The following DOP1A variants were observed in gnomAD, a reference collection of about 807,000 sequenced individuals.
DOP1A encodes DOP1 leucine zipper like protein A, also known as protein DOP1A.
Under a neutral mutation model 267.6 loss-of-function variants are expected in DOP1A, and 90 were observed. The observed-to-expected ratio is 0.34, with a 90% CI of 0.28 to 0.40. The LOEUF (loss-of-function observed/expected upper bound fraction) is 0.40. Ranked by LOEUF, DOP1A falls within the 10% of genes least tolerant of loss-of-function variation. DOP1A has a pLI of 1.00. For missense variants in DOP1A, 2,437 were observed against 2,900.4 expected (o/e 0.84, Z 3.67); for synonymous variants, 932 against 999.1 (o/e 0.93, Z 1.27).
intron 19 of DOP1A, among the ~76,000 whole-genome samples, chr6:83,134,674 A>ACC (rs1778609677): frequency 3.3e-5 from 5 of 152,276 alleles, no homozygotes; most frequent in African/African-American, 1.2e-4. Context: ...TAGATTTATT[A>ACC]AAATCTATAG....
chr6:83,069,369 CT>C, intron 1 of DOP1A, among the ~76,000 whole-genome samples: 1 of 152,154 alleles, frequency 6.6e-6, no homozygotes, highest in East Asian at 1.9e-4. Context: ...AAAACCTTTA[CT>C]GTTATGCTGA....
chr6:83,093,249 G>A (rs192103638), intron 1 of DOP1A, among the ~76,000 whole-genome samples: 13 of 152,292 alleles, frequency 8.5e-5, no homozygotes, highest in African/African-American at 3.1e-4. Context: ...ATCATTTCAT[G>A]TCAAATGAAA....
intron 20 of DOP1A, 145 bp downstream of exon 20, chr6:83,136,023 T>A: frequency 2.1e-6 from 2 of 963,574 alleles, no homozygotes; most frequent in South Asian, 3.5e-5. Flanking sequence ...CTAGCAATGC[T>A]GTGTGGACCA....
chr6:83,150,704 CTT>C (rs1781481349), intron 27 of DOP1A, among the ~76,000 whole-genome samples: 1 of 152,058 alleles, frequency 6.6e-6, no homozygotes, highest in South Asian at 2.1e-4. Context: ...TGAGTAGACT[CTT>C]AGCAAATAAT....
chr6:83,073,520 C>G (rs889015362), intron 1 of DOP1A, among the ~76,000 whole-genome samples: 1 of 152,094 alleles, frequency 6.6e-6, no homozygotes, highest in Non-Finnish European at 1.5e-5. Context: ...GCCAATTTTA[C>G]GTAATCTGAT....
At chr6:83,077,614 G>A (rs375258148) in intron 1 of DOP1A, among the ~76,000 whole-genome samples, 4 of 152,222 alleles carry the variant, frequency 2.6e-5, no homozygotes, top group South Asian at 4.1e-4. Context: ...AGTTAGAGAC[G>A]TCAGTGAGCC....
At chr6:83,097,266 C>T in intron 3 of DOP1A, 151 bp downstream of exon 3, 2 of 823,788 alleles carry the variant, frequency 2.4e-6, no homozygotes, top group Non-Finnish European at 3.7e-6. Flanking sequence ...TCATGAGTTG[C>T]ATGCCTGTGT....
In DOP1A at chr6:83,121,932, C is replaced by A; in HGVS notation, c.1102C>A (p.Pro368Thr). The A allele has an allele frequency of 6.3e-7, 1 of 1,592,486 alleles. No individual in the cohort carries two copies. Among genetic ancestry groups the A allele is most frequent in the South Asian group, 1.1e-5 (1 of 87,702 alleles). The change falls in exon 11 of 39, where the codon CCT becomes ACT. Residue 368 changes from proline (P) to threonine (T), a missense_variant and splice_region_variant. Pro to Thr is a conservative substitution (Grantham distance 38). Transcript: ENST00000349129. ...ISLLDKPELGPVILEDVLIEV... is the reference protein window; with the variant it reads ...ISLLDKPELGTVILEDVLIEV... ...TTTAATTTGAATATTAATTTTAGGA[C>A]CTGTAATTCTAGAAGATGTCCTGAT...
chr6:83,122,161 A>AAGTAAAGCTGATTTAATACT, intron 11 of DOP1A, 111 bp downstream of exon 11: 1 of 1,262,722 alleles, frequency 7.9e-7, no homozygotes, highest in Non-Finnish European at 1.1e-6. Context: ...GTGTTCTAAT[A>AAGTAAAGCTGATTTAATACT]AGTAAAGCTG....
Position 83,152,046 on chromosome 6 carries a change from T to G in DOP1A, c.6049+19T>G. 1 of 1,613,552 alleles carries G rather than the reference T, an allele frequency of 6.2e-7. No homozygotes were observed. Among genetic ancestry groups the G allele is most frequent in the Non-Finnish European group, 8.5e-7 (1 of 1,179,592 alleles). On this transcript the variant is annotated intron_variant, in intron 29 of 38. Coordinates refer to ENST00000349129, the MANE Select transcript of DOP1A (RefSeq NM_015018.4). ...GTTGAAGGTATTCTTGTCAAACATT[T>G]AGGTTTATTATCTGTAAGCAGGCAT...
In DOP1A at chr6:83,148,756, C is replaced by T; in HGVS notation, c.5733-3C>T. The T allele has an allele frequency of 6.5e-7, 1 of 1,538,678 alleles. No homozygotes were observed. The highest frequency in any genetic ancestry group is 8.7e-7 in the Non-Finnish European group (1 of 1,150,140). On this transcript the variant is annotated splice_polypyrimidine_tract_variant and splice_region_variant and intron_variant, in intron 26 of 38. Transcript: ENST00000349129. ...CTTTTGTATAAACTATATTATCTTG[C>T]AGAATTCCAGTGCCCAATTTAGTGG...
chr6:83,102,618 G>A (rs906911274), intron 4 of DOP1A, among the ~76,000 whole-genome samples: 2 of 152,144 alleles, frequency 1.3e-5, no homozygotes, highest in East Asian at 1.9e-4. Context: ...CTCAGGCTTC[G>A]TCACTGGCCT....
rs1777027352 is a variant in DOP1A at position 83,125,504 on chromosome 6, C to T, written c.1490C>T (p.Thr497Ile). The T allele has an allele frequency of 1.2e-6, 2 of 1,612,460 alleles. No homozygotes were observed. Among genetic ancestry groups the T allele is most frequent in the Non-Finnish European group, 1.7e-6 (2 of 1,179,358 alleles). The change falls in exon 15 of 39, where the codon ACT becomes ATT. Residue 497 changes from threonine to isoleucine, a missense_variant. Physicochemically the swap from Thr to Ile is moderately conservative, Grantham distance 89. Coordinates refer to ENST00000349129, the MANE Select transcript of DOP1A (RefSeq NM_015018.4). ...TCATTTCACTTTTATTTTCAGGAGA[C>T]TTACATTGAAATCCAGACAGAACAC... is the stretch of plus-strand genomic sequence containing the variant. Reference protein sequence around the residue: ...TRSMRVLCQETYIEIQTEHLP... With the variant: ...TRSMRVLCQEIYIEIQTEHLP...
At chr6:83,117,102 G>A (rs1775565040) in intron 7 of DOP1A, among the ~76,000 whole-genome samples, 1 of 148,258 alleles carries the variant, frequency 6.7e-6, no homozygotes, top group African/African-American at 2.5e-5. Context: ...GTATACATCA[G>A]AAGTAATTTT....
intron 38 of DOP1A, chr6:83,164,724 G>T: frequency 1.3e-6 from 2 of 1,587,220 alleles, no homozygotes; most frequent in Non-Finnish European, 1.7e-6. Flanking sequence ...CATCAGGTGA[G>T]GGTGGCTGTT....
At chr6:83,114,136 A>G (rs1255202735) in intron 7 of DOP1A, among the ~76,000 whole-genome samples, 2 of 152,200 alleles carry the variant, frequency 1.3e-5, no homozygotes, top group African/African-American at 2.4e-5. Flanking sequence ...TGATTAATAG[A>G]TAACTGTAGT....
At chr6:83,070,302 T>A (rs745440465) in intron 1 of DOP1A, among the ~76,000 whole-genome samples, 5 of 152,256 alleles carry the variant, frequency 3.3e-5, no homozygotes, top group African/African-American at 1.2e-4. Context: ...TTGAGAATTG[T>A]ATGAAAATAT....
chr6:83,075,567 G>A (rs7751688), intron 1 of DOP1A, among the ~76,000 whole-genome samples: 117,497 of 152,110 alleles, frequency 0.77, 45,469 homozygotes, highest in Middle Eastern at 0.83. Flanking sequence ...GGAATAAAAG[G>A]GTGGCTCTCA....
rs1786282245 is a variant in DOP1A at position 83,168,088 on chromosome 6, A to G, written c.7319A>G (p.Lys2440Arg). The G allele has an allele frequency of 1.9e-6, 3 of 1,614,220 alleles. No individual in the cohort carries two copies. The highest frequency in any genetic ancestry group is 1.7e-5 in the Admixed American group (1 of 60,030). Residue 2440 changes from lysine (K) to arginine (R), a missense_variant, in exon 39 of 39, where the codon AAA becomes AGA. By Grantham distance (26) the Lys-to-Arg change is conservative. This residue lies in a region of DOP1A where 197 missense variants were observed against 246.5 expected (regional missense o/e 0.80). Transcript: ENST00000349129. ...PNKDMKLENH[K>R]PCSSKARQKI... Reference sequence around the variant, plus strand: ...AAGGACATGAAACTGGAGAACCACAAACCATGTTCCAGCAAAGCCAGGCAA... The same window carrying G: ...AAGGACATGAAACTGGAGAACCACAGACCATGTTCCAGCAAAGCCAGGCAA...
Sources: allele counts gnomAD v4.1 joint callset (sites outside exome capture counted in the v4.1 genomes callset), GRCh38; gene constraint gnomAD v4.1.1; regional missense constraint gnomAD v4.1.1; transcripts MANE v1.5; gene names NCBI Gene and HGNC (gene_info 2026-07-23, HGNC 2026-07-21).